The following TEX15 variants were observed in gnomAD, a reference collection of about 807,000 sequenced individuals.
The protein encoded by TEX15 is testis expressed 15, meiosis and synapsis associated.
In TEX15, 171 loss-of-function variants were observed where a neutral mutation model predicts 237.3. The ratio of observed to expected loss-of-function variants is 0.72; its 90% CI spans 0.64 to 0.82. The LOEUF is 0.82. TEX15 is among the 40% of genes least tolerant of loss of function. TEX15 has a pLI of 0.00. For synonymous variants in TEX15, 1,338 were observed against 1,269.8 expected (o/e 1.05, Z -1.14); for missense variants, 3,750 against 3,646.5 (o/e 1.03, Z -0.73).
In TEX15 at chr8:30,845,946, T is replaced by C. The variant is rs1233757928; in HGVS notation, c.4221A>G (p.Glu1407=). The part of the protein sequence containing the change: ...SLQLITKVGE[E]RKGPLPKSYA... ...ATGATTTTGGTAATGGGCCCTTTCT[T>C]TCTTCTCCTACTTTAGTTATAAGCT... is the stretch of plus-strand genomic sequence containing the variant. The change falls in exon 8 of 11, where the codon GAA becomes GAG. Residue 1407 remains glutamate, a synonymous_variant. Transcript: ENST00000643185. The C allele has an allele frequency of 6.2e-7, 1 of 1,613,024 alleles. No individual in the cohort carries two copies. The highest frequency in any genetic ancestry group is 1.7e-5 in the Admixed American group (1 of 59,916).
At chr8:30,887,083 T>C in intron 3 of TEX15, 84 bp downstream of exon 3, 1 of 1,256,356 alleles carries the variant, frequency 8.0e-7, no homozygotes. Context: ...TTATATAGAG[T>C]CAAAATAAAA....
At chr8:30,874,194 G>A (rs905793447) in intron 4 of TEX15, among the ~76,000 whole-genome samples, 6 of 152,266 alleles carry the variant, frequency 3.9e-5, no homozygotes, top group African/African-American at 1.2e-4. Context: ...TTTGAATCAA[G>A]AGGAATCAAT....
chr8:30,848,430 G>GT lies in TEX15; in HGVS notation c.1736dup (p.His579GlnfsTer10). 3 of 1,614,122 alleles carry GT rather than the reference G, an allele frequency of 1.9e-6. No individual in the cohort carries two copies. The highest frequency in any genetic ancestry group is 2.5e-6 in the Non-Finnish European group (3 of 1,180,018). On this transcript the variant is annotated frameshift_variant, in exon 8 of 11. Transcript: ENST00000643185. LOFTEE classifies it high-confidence loss of function. Reference sequence around the variant, plus strand: ...CAGAAGACTGCGAGTCCTGAAAAATGTGACTACTGTACTCTTTTGTATAAG... The same window carrying GT: ...CAGAAGACTGCGAGTCCTGAAAAATGTTGACTACTGTACTCTTTTGTATAAG...
Position 30,887,220 on chromosome 8 carries a change from A to C in TEX15, c.83T>G (p.Val28Gly), listed in dbSNP as rs1202153703. 1.1e-5 allele frequency: 17 copies of C among 1,535,782 alleles called. No individual in the cohort carries two copies. The South Asian group carries it at 2.0e-4, about 18-fold the overall frequency. The change falls in exon 3 of 11, where the codon GTC becomes GGC. Residue 28 changes from valine (V) to glycine (G), a missense_variant. Val to Gly is a moderately radical substitution (Grantham distance 109, BLOSUM62 -3). Coordinates refer to ENST00000643185, the MANE Select transcript of TEX15 (RefSeq NM_001350162.2). ...AATGGTGAATTTCTTCAAAGGATTGACTTCACGAGTATTCAACACGGGTTT... is the reference window on the plus strand; with the variant it reads ...AATGGTGAATTTCTTCAAAGGATTGCCTTCACGAGTATTCAACACGGGTTT... The part of the protein sequence containing the change: ...TSKPVLNTRE[V>G]NPLKKFTIPK...
At chr8:30,868,540 C>A (rs1808224518) in intron 4 of TEX15, among the ~76,000 whole-genome samples, 1 of 151,984 alleles carries the variant, frequency 6.6e-6, no homozygotes, top group South Asian at 2.1e-4. Flanking sequence ...ATACCATGCA[C>A]ATAAGTATAT....
chr8:30,883,413 T>C (rs1279333554), intron 3 of TEX15, among the ~76,000 whole-genome samples: 3 of 152,058 alleles, frequency 2.0e-5, no homozygotes, highest in Non-Finnish European at 2.9e-5. Flanking sequence ...CTGGGGTGCA[T>C]GTGCAGAATA....
chr8:30,844,543 T>C lies in TEX15; in HGVS notation c.5624A>G (p.Gln1875Arg), dbSNP rs1807546461. The C allele has an allele frequency of 6.2e-7, 1 of 1,612,384 alleles. No individual in the cohort carries two copies. Among genetic ancestry groups the C allele is most frequent in the African/African-American group, 1.3e-5 (1 of 74,844 alleles). ...GGATTCTTCTGAGATCTGATTCTTT[T>C]GATTTTTGTACTCAGTATTAACAGT... ...GSTVNTEYKNQKNQISEESCL... is the reference protein window; with the variant it reads ...GSTVNTEYKNRKNQISEESCL... Residue 1875 changes from glutamine to arginine, a missense_variant, in exon 8 of 11, where the codon CAA becomes CGA. Physicochemically the swap from Gln to Arg is conservative, Grantham distance 43. Coordinates refer to ENST00000643185, the MANE Select transcript of TEX15 (RefSeq NM_001350162.2).
chr8:30,846,705 T>G lies in TEX15; in HGVS notation c.3462A>C (p.Pro1154=). The change falls in exon 8 of 11, where the codon CCA becomes CCC. Residue 1154 remains proline, a synonymous_variant. Coordinates refer to ENST00000643185, the MANE Select transcript of TEX15 (RefSeq NM_001350162.2). ...TATTAGTAATTTTAATTTGTAGATCTGGAAGTAAAATTGGGCTGGTAAGTT... is the reference window on the plus strand; with the variant it reads ...TATTAGTAATTTTAATTTGTAGATCGGGAAGTAAAATTGGGCTGGTAAGTT... ...ETELTSPILL[P]DLQIKITNIF... 6.2e-7 allele frequency: 1 copy of G among 1,613,644 alleles called. No individual in the cohort carries two copies. The highest frequency in any genetic ancestry group is 8.5e-7 in the Non-Finnish European group (1 of 1,179,728).
At position 30,876,731 on chromosome 8, in the gene TEX15, A is replaced by G. The variant is rs1011904381; in HGVS notation, c.137-1629T>C. Among the ~76,000 whole-genome samples the G allele has an allele frequency of 2.6e-5, 4 of 152,272 alleles. No homozygotes were observed. The South Asian group carries it at 8.3e-4, about 32-fold the overall frequency. Reference sequence around the variant, plus strand: ...CCACACTTCAGCATTACACTTGGAGACCATTTAAAGTAGTGAAATCACCAA... The same window carrying G: ...CCACACTTCAGCATTACACTTGGAGGCCATTTAAAGTAGTGAAATCACCAA... On this transcript the variant is annotated intron_variant, in intron 3 of 10. Coordinates refer to ENST00000643185, the MANE Select transcript of TEX15 (RefSeq NM_001350162.2).
At chr8:30,911,390 G>C (rs772813833) in intron 1 of TEX15, among the ~76,000 whole-genome samples, 20 of 152,092 alleles carry the variant, frequency 1.3e-4, no homozygotes, top group Non-Finnish European at 2.5e-4. Context: ...GGGCTCATGC[G>C]ATCCGCCCGC....
chr8:30,906,177 CATA>C (rs1280692609), intron 1 of TEX15, among the ~76,000 whole-genome samples: 4 of 152,134 alleles, frequency 2.6e-5, no homozygotes, highest in Non-Finnish European at 4.4e-5. Flanking sequence ...AATAAAGAGG[CATA>C]ATATTTTAAT....
chr8:30,885,923 T>C (rs548242913), intron 3 of TEX15, among the ~76,000 whole-genome samples: 1 of 152,370 alleles, frequency 6.6e-6, no homozygotes, highest in Non-Finnish European at 1.5e-5. Flanking sequence ...AGTTATTACA[T>C]ATTTCATTTC....
intron 4 of TEX15, among the ~76,000 whole-genome samples, chr8:30,868,846 G>A (rs1808229634): frequency 6.6e-6 from 1 of 150,584 alleles, no homozygotes; most frequent in Non-Finnish European, 1.5e-5. Context: ...GTGGCACCAG[G>A]GATATTTTGG....
At chr8:30,874,267 G>C (rs1808356046) in intron 4 of TEX15, among the ~76,000 whole-genome samples, 1 of 152,136 alleles carries the variant, frequency 6.6e-6, no homozygotes, top group South Asian at 2.1e-4. Context: ...TCAAGCTCTA[G>C]TTAGGTTTTA....
At position 30,844,608 on chromosome 8, in the gene TEX15, T is replaced by C. The variant is rs1403632894; in HGVS notation, c.5559A>G (p.Ala1853=). 1 of 1,613,432 alleles carries C rather than the reference T, an allele frequency of 6.2e-7. No homozygotes were observed. Among genetic ancestry groups the C allele is most frequent in the Admixed American group, 1.7e-5 (1 of 59,954 alleles). Reference sequence around the variant, plus strand: ...TGCTTCTTTTGTAAACAGAATCTTTTGCTTTTTCCGCTTGTTTAACTTTCC... The same window carrying C: ...TGCTTCTTTTGTAAACAGAATCTTTCGCTTTTTCCGCTTGTTTAACTTTCC... The part of the protein sequence containing the change: ...ITWKVKQAEK[A]KDSVYKRSMT... The change falls in exon 8 of 11, where the codon GCA becomes GCG. Residue 1853 remains alanine (A), a synonymous_variant. Transcript: ENST00000643185.
At chr8:30,853,223 A>G (rs1402310227) in intron 7 of TEX15, among the ~76,000 whole-genome samples, 1 of 152,226 alleles carries the variant, frequency 6.6e-6, no homozygotes, top group East Asian at 1.9e-4. Flanking sequence ...GGAAATGTGG[A>G]CAGAACAACT....
At chr8:30,904,860 AT>A (rs35146101) in intron 1 of TEX15, among the ~76,000 whole-genome samples, 39,425 of 152,134 alleles carry the variant, frequency 0.26, 6,396 homozygotes, top group Non-Finnish European at 0.37. Flanking sequence ...AATTAAAAAA[AT>A]GTATTACTTG....
intron 4 of TEX15, among the ~76,000 whole-genome samples, chr8:30,871,933 A>C (rs1469515442): frequency 6.6e-6 from 1 of 152,184 alleles, no homozygotes; most frequent in Non-Finnish European, 1.5e-5. Context: ...AATTCTAAAA[A>C]GTAAAGAATG....
chr8:30,891,983 A>G (rs1475539553), intron 2 of TEX15, among the ~76,000 whole-genome samples: 1 of 152,148 alleles, frequency 6.6e-6, no homozygotes, highest in African/African-American at 2.4e-5. Flanking sequence ...TCATTTTCTA[A>G]AATAGGTATG....
Sources: allele counts gnomAD v4.1 joint callset (sites outside exome capture counted in the v4.1 genomes callset), GRCh38; gene constraint gnomAD v4.1.1; transcripts MANE v1.5; gene names NCBI Gene and HGNC (gene_info 2026-07-23, HGNC 2026-07-21).